BARD1: variants seen among roughly 807,000 people sequenced by gnomAD.
BARD1 encodes BRCA1-associated RING domain protein 1.
BARD1 carries 73 observed loss-of-function variants against 77.0 expected under a neutral mutation model. The observed-to-expected ratio is 0.95, with a 90% confidence interval of 0.79 to 1.15. BARD1 has a LOEUF of 1.15. Ranked by LOEUF, BARD1 falls within the 50% of genes most tolerant of loss-of-function variation. BARD1 has a pLI of 0.00. For missense variants in BARD1, 993 were observed against 938.8 expected (o/e 1.06, Z -0.75); for synonymous variants, 384 against 338.0 (o/e 1.14, Z -1.49).
At chr2:214,792,574 C>A in intron 2 of BARD1, 129 bp from the exon 3 acceptor site, 1 of 896,146 alleles carries the variant, frequency 1.1e-6, no homozygotes. Flanking sequence ...ATTGTAATAT[C>A]CTTGTTGAAT....
rs79130403 is a variant in BARD1 at position 214,729,271 on chromosome 2, A to G, written c.2002-263T>C. Among the ~76,000 whole-genome samples the G allele has an allele frequency of 2.6e-3, 396 of 152,318 alleles. 2 individuals carry two copies. Among genetic ancestry groups the G allele is most frequent in the African/African-American group, 9.0e-3 (374 of 41,566 alleles). On this transcript the variant is annotated intron_variant, in intron 10 of 10. Transcript: ENST00000260947. ...TGCACATAGCCTGAAGTAATTTTATACAATATCTTCAGTAATTTTGTGCAT... is the reference window on the plus strand; with the variant it reads ...TGCACATAGCCTGAAGTAATTTTATGCAATATCTTCAGTAATTTTGTGCAT...
In BARD1 at chr2:214,792,290, T is replaced by G. The variant is rs1475396127; in HGVS notation, c.364+7A>C. 1.2e-6 allele frequency: 2 copies of G among 1,612,960 alleles called. No individual in the cohort carries two copies. Among genetic ancestry groups the G allele is most frequent in the Admixed American group, 3.3e-5 (2 of 59,848 alleles). ...ATTTAACTAAGAGAGATAGGGATAG[T>G]TCTTACCTGACAGCTCATTGTCATG... is the stretch of plus-strand genomic sequence containing the variant. On this transcript the variant is annotated splice_region_variant and intron_variant, in intron 3 of 10. Coordinates refer to ENST00000260947, the MANE Select transcript of BARD1 (RefSeq NM_000465.4).
intron 1 of BARD1, among the ~76,000 whole-genome samples, chr2:214,801,479 T>TA (rs879858461): frequency 1.3e-5 from 2 of 151,676 alleles, no homozygotes; most frequent in Non-Finnish European, 2.9e-5. Context: ...TGTTTACCAT[T>TA]AAAAAAAAAT....
chr2:214,741,764 C>T (rs1692844437), intron 9 of BARD1, among the ~76,000 whole-genome samples: 1 of 152,226 alleles, frequency 6.6e-6, no homozygotes, highest in East Asian at 1.9e-4. Context: ...AAAATTATGG[C>T]TTAGTCTCAG....
In BARD1 at chr2:214,809,617, A is replaced by G. The variant is rs17489363; in HGVS notation, c.-48T>C. On this transcript the variant is annotated 5_prime_UTR_variant, in exon 1 of 11. Transcript: ENST00000260947. ...CTCCTCGCAGAGCGGGAAGCAAGGAAGCCTCGGGAAACCACAGGGAAGCTG... is the reference window on the plus strand; with the variant it reads ...CTCCTCGCAGAGCGGGAAGCAAGGAGGCCTCGGGAAACCACAGGGAAGCTG... The G allele has an allele frequency of 0.72, 1,088,882 of 1,522,770 alleles. 390,559 individuals are homozygous for G. Among genetic ancestry groups the G allele is most frequent in the Admixed American group, 0.8 (40,755 of 50,800 alleles). The allele number at this position is 1,522,770 out of a possible 1,614,324, so 94.3% of individuals were successfully genotyped here. A position where few individuals can be genotyped will look rare whatever the true frequency, so the allele number is the denominator to read the frequency against.
chr2:214,747,406 C>T (rs1243498116), intron 7 of BARD1, among the ~76,000 whole-genome samples: 65 of 138,378 alleles, frequency 4.7e-4, no homozygotes, highest in African/African-American at 1.5e-3. Flanking sequence ...CACATGCACA[C>T]GTATGTTTAC....
At chr2:214,772,419 G>T (rs940652101) in intron 4 of BARD1, among the ~76,000 whole-genome samples, 3 of 151,562 alleles carry the variant, frequency 2.0e-5, no homozygotes, top group Non-Finnish European at 2.9e-5. Flanking sequence ...CCTTCTCAAA[G>T]ATTTCCCCAT....
intron 9 of BARD1, among the ~76,000 whole-genome samples, chr2:214,738,942 C>G (rs1396736803): frequency 1.3e-5 from 2 of 151,876 alleles, no homozygotes; most frequent in African/African-American, 4.8e-5. Flanking sequence ...ACAAGGAGTT[C>G]AAGAACAGCC....
At chr2:214,792,914 T>C (rs371563212) in intron 2 of BARD1, among the ~76,000 whole-genome samples, 1 of 152,320 alleles carries the variant, frequency 6.6e-6, no homozygotes, top group South Asian at 2.1e-4. Context: ...CAGACAATTT[T>C]AAAACCTGTA....
intron 1 of BARD1, among the ~76,000 whole-genome samples, chr2:214,803,481 A>T (rs1696123996): frequency 6.6e-6 from 1 of 152,230 alleles, no homozygotes; most frequent in Non-Finnish European, 1.5e-5. Context: ...TGGAGGTGGG[A>T]CGTGCGGGCA....
intron 9 of BARD1, among the ~76,000 whole-genome samples, chr2:214,741,396 A>T (rs374977284): frequency 2.1e-3 from 315 of 152,330 alleles, no homozygotes; most frequent in African/African-American, 6.7e-3. Flanking sequence ...TTTTGAAAGC[A>T]GTGTACTAAA....
intron 1 of BARD1, among the ~76,000 whole-genome samples, chr2:214,807,432 A>T (rs1459027350): frequency 6.6e-6 from 1 of 152,198 alleles, no homozygotes; most frequent in Non-Finnish European, 1.5e-5. Flanking sequence ...TATATTATCT[A>T]TTTTGTCTCT....
At chr2:214,783,730 T>A (rs1237190565) in intron 3 of BARD1, among the ~76,000 whole-genome samples, 2 of 152,126 alleles carry the variant, frequency 1.3e-5, no homozygotes, top group African/African-American at 2.4e-5. Context: ...TCTACAACCA[T>A]CTGATTTTTG....
intron 1 of BARD1, among the ~76,000 whole-genome samples, chr2:214,799,549 G>T (rs1412005945): frequency 6.6e-6 from 1 of 152,016 alleles, no homozygotes; most frequent in Non-Finnish European, 1.5e-5. Flanking sequence ...TAGAGTCTAA[G>T]AGGAAAATTC....
chr2:214,796,419 T>C (rs922581596), intron 2 of BARD1, among the ~76,000 whole-genome samples: 1 of 152,134 alleles, frequency 6.6e-6, no homozygotes, highest in South Asian at 2.1e-4. Flanking sequence ...GGTATTCGTA[T>C]GAAAAGAGGA....
chr2:214,764,828 T>C (rs1313691589), intron 6 of BARD1, among the ~76,000 whole-genome samples: 3 of 152,034 alleles, frequency 2.0e-5, no homozygotes, highest in South Asian at 4.1e-4. Context: ...TGAACAACAA[T>C]GACTACGACA....
intron 3 of BARD1, among the ~76,000 whole-genome samples, chr2:214,782,276 T>G (rs1695077348): frequency 6.6e-6 from 1 of 152,054 alleles, no homozygotes; most frequent in African/African-American, 2.4e-5. Flanking sequence ...ACATTATATG[T>G]TTTCACTTAC....
At chr2:214,787,072 T>C (rs11890264) in intron 3 of BARD1, among the ~76,000 whole-genome samples, 26,908 of 151,330 alleles carry the variant, frequency 0.18, 2,783 homozygotes, top group East Asian at 0.42. Flanking sequence ...TTGTATTTGA[T>C]TTTTTTTTAA....
rs1482641121 is a variant in BARD1 at position 214,780,874 on chromosome 2, TAG to T, written c.998_999del (p.Ser333Ter). 1 of 1,614,122 alleles carries T rather than the reference TAG, an allele frequency of 6.2e-7. No homozygotes were observed. The highest frequency in any genetic ancestry group is 8.5e-7 in the Non-Finnish European group (1 of 1,179,996). On this transcript the variant is annotated frameshift_variant, in exon 4 of 11. Coordinates refer to ENST00000260947, the MANE Select transcript of BARD1 (RefSeq NM_000465.4). LOFTEE classifies it high-confidence loss of function. ...GHHNRLSSPI[S>X]KRCRTSILST... ...CTCAGAATGCTGGTTCTACATCTCT[TAG>T]AAATGGGACTGGAAAGTCTATTGTG...
Sources: gnomAD v4.1 joint callset for allele counts (sites outside exome capture counted in the v4.1 genomes callset) on GRCh38, gnomAD v4.1.1 for gene constraint, MANE v1.5 for transcripts, NCBI Gene and HGNC (gene_info 2026-07-23, HGNC 2026-07-21) for gene names.